NECTIN2: variants seen among roughly 807,000 people sequenced by gnomAD.
NECTIN2 encodes nectin-2.
A neutral mutation model predicts 56.9 loss-of-function variants in NECTIN2; 23 were observed. The ratio of observed to expected loss-of-function variants is 0.40; its 90% CI spans 0.29 to 0.57. NECTIN2 has a LOEUF of 0.57. Among genes scored for constraint, NECTIN2 ranks in the 20% least tolerant of loss-of-function variants. The pLI is 0.38. For missense variants in NECTIN2, 587 were observed against 718.3 expected (o/e 0.82, Z 2.09); for synonymous variants, 302 against 313.8 (o/e 0.96, Z 0.40).
rs1384749910 is a variant in NECTIN2 at position 44,874,764 on chromosome 19, C to T, written c.1042+286C>T. 1.4e-5 allele frequency: 5 copies of T among 357,546 alleles called. No homozygotes were observed. The highest frequency in any genetic ancestry group is 3.7e-5 in the South Asian group (1 of 27,200). The allele number at this position is 357,546 out of a possible 1,614,324, so 22.1% of individuals were successfully genotyped here. On this transcript the variant is annotated intron_variant, in intron 5 of 8. Coordinates refer to ENST00000252483, the MANE Select transcript of NECTIN2 (RefSeq NM_001042724.2). The surrounding 1 kb of genome is among the most constrained non-coding windows in gnomAD (Gnocchi z 6.3). ...TGGGTAGGGTCCTCACGAATAGACC[C>T]GAGGAAGCTGCCCTGGGCTCCAGCT...
chr19:44,871,947 T>G lies in NECTIN2; in HGVS notation c.573T>G (p.Pro191=). Residue 191 remains proline, a synonymous_variant, in exon 3 of 9, where the codon CCT becomes CCG. Coordinates refer to ENST00000252483, the MANE Select transcript of NECTIN2 (RefSeq NM_001042724.2). ...GCATCTCCAAAGAGGGCCGCCCACC[T>G]GCCCGGATCTCCTGGCTCTCATCCC... is the stretch of plus-strand genomic sequence containing the variant. ...ALCISKEGRP[P]ARISWLSSLD... 6.2e-7 allele frequency: 1 copy of G among 1,614,148 alleles called. No individual in the cohort carries two copies.
At chr19:44,872,814 T>G (rs1314657012) in intron 3 of NECTIN2, among the ~76,000 whole-genome samples, 1 of 143,480 alleles carries the variant, frequency 7.0e-6, no homozygotes, top group Admixed American at 6.9e-5. Context: ...TTTATTATTA[T>G]ATTTTTATAT....
At chr19:44,853,010 G>A (rs1237638807) in intron 1 of NECTIN2, among the ~76,000 whole-genome samples, 3 of 151,954 alleles carry the variant, frequency 2.0e-5, no homozygotes, top group Non-Finnish European at 4.4e-5. Context: ...TACTGAGAAG[G>A]CTGAGGTGGT....
intron 2 of NECTIN2, among the ~76,000 whole-genome samples, chr19:44,868,473 T>C (rs935772308): frequency 6.1e-5 from 9 of 148,084 alleles, no homozygotes; most frequent in Admixed American, 5.3e-4. Context: ...TTTCTTTTTT[T>C]TTTTTTTTCT....
rs538405235 is a variant in NECTIN2 at position 44,855,680 on chromosome 19, T to A, written c.88+9067T>A. ...ATTTGTACCCCCTGCAATCTGGATG[T>A]CAACCCTGGAAAACAAGCACCTGAT... is the stretch of plus-strand genomic sequence containing the variant. On this transcript the variant is annotated intron_variant, in intron 1 of 8. Coordinates refer to ENST00000252483, the MANE Select transcript of NECTIN2 (RefSeq NM_001042724.2). Among the ~76,000 whole-genome samples the A allele has an allele frequency of 3.9e-3, 598 of 152,300 alleles. 6 individuals are homozygous for A. Among genetic ancestry groups the A allele is most frequent in the Non-Finnish European group, 6.1e-3 (414 of 68,026 alleles).
chr19:44,871,857 G>C lies in NECTIN2; in HGVS notation c.483G>C (p.Lys161Asn), dbSNP rs1238936866. Residue 161 changes from lysine to asparagine, a missense_variant, in exon 3 of 9, where the codon AAG becomes AAC. Transcript: ENST00000252483. The stretch of plus-strand genomic sequence containing the variant: ...CCCCTCTCCTCCTCTCCCCAGCCAA[G>C]CCCAAGAACCAAGCTGAGGCCCAGA... ...RGMTWLRVIA[K>N]PKNQAEAQKV... is the part of the protein sequence containing the mutation. The C allele has an allele frequency of 6.2e-7, 1 of 1,611,400 alleles. No homozygotes were observed. Among genetic ancestry groups the C allele is most frequent in the Non-Finnish European group, 8.5e-7 (1 of 1,177,704 alleles).
At chr19:44,878,107 C>G in intron 5 of NECTIN2, 1 of 597,924 alleles carries the variant, frequency 1.7e-6, no homozygotes, top group Non-Finnish European at 3.0e-6. Flanking sequence ...GTCACTCCCG[C>G]TCCCTCCATC....
At chr19:44,887,966 A>G (rs142198141) in intron 8 of NECTIN2, 144 bp from the exon 9 acceptor site, 3 of 830,808 alleles carry the variant, frequency 3.6e-6, no homozygotes, top group African/African-American at 1.7e-5. Context: ...TCCCAGTGCA[A>G]TATGGCCTCA....
At chr19:44,882,154 A>G in intron 5 of NECTIN2, 57 bp from the exon 6 acceptor site, 1 of 1,355,920 alleles carries the variant, frequency 7.4e-7, no homozygotes, top group Non-Finnish European at 9.6e-7. Flanking sequence ...GGTCGCTTGG[A>G]ATAAGGAGCT....
rs567042231 is a variant in NECTIN2, at chr19:44,860,615, T to TTA, written c.89-4644_89-4643dup. 8.9e-4 allele frequency among the ~76,000 whole-genome samples: 135 copies of TTA among 151,590 alleles called. 3 individuals are homozygous for TTA. The South Asian group carries it at 0.023, about 26-fold the overall frequency. On this transcript the variant is annotated intron_variant, in intron 1 of 8. Transcript: ENST00000252483. ...TTTATTTTACTTTTTTATAAAAAAA[T>TTA]TATATATATATATTGTTTTTTCTTT...
At chr19:44,846,675 T>C in intron 1 of NECTIN2, 62 bp downstream of exon 1, 1 of 1,486,386 alleles carries the variant, frequency 6.7e-7, no homozygotes, top group Non-Finnish European at 8.9e-7. Flanking sequence ...CCTTCCGAGC[T>C]GGGGAAGCCG....
At chr19:44,881,331 C>T (rs1160129495) in intron 5 of NECTIN2, among the ~76,000 whole-genome samples, 1 of 152,122 alleles carries the variant, frequency 6.6e-6, no homozygotes, top group Non-Finnish European at 1.5e-5. Context: ...CTCCTCTCAT[C>T]TTCCCACTCT....
chr19:44,877,470 G>A (rs1383749780), intron 5 of NECTIN2, among the ~76,000 whole-genome samples: 1 of 152,096 alleles, frequency 6.6e-6, no homozygotes, highest in East Asian at 1.9e-4. Flanking sequence ...AGCCCCTGCA[G>A]GGAGCACTAA....
chr19:44,882,686 T>A (rs1477914485), intron 6 of NECTIN2, among the ~76,000 whole-genome samples: 5 of 77,102 alleles, frequency 6.5e-5, no homozygotes, highest in Admixed American at 1.9e-4. Context: ...ACTACCCCCA[T>A]CTACAAAAAA....
intron 5 of NECTIN2, chr19:44,878,143 C>T: frequency 3.3e-6 from 2 of 614,802 alleles, no homozygotes; most frequent in Non-Finnish European, 2.9e-6. Flanking sequence ...TCTCCCCCAC[C>T]CCCTCACTCC....
chr19:44,887,867 G>A (rs918285617), intron 8 of NECTIN2, among the ~76,000 whole-genome samples: 3 of 152,124 alleles, frequency 2.0e-5, no homozygotes, highest in Admixed American at 6.6e-5. Context: ...GGAAAGATTT[G>A]CAGAGATCGA....
chr19:44,850,666 C>T (rs1439235299), intron 1 of NECTIN2, among the ~76,000 whole-genome samples: 2 of 151,994 alleles, frequency 1.3e-5, no homozygotes, highest in East Asian at 1.9e-4. Context: ...ACAAAACACA[C>T]GGATTAGAGG....
chr19:44,874,116 TG>T lies in NECTIN2; in HGVS notation c.893+88del. 1 of 1,275,482 alleles carries T rather than the reference TG, an allele frequency of 7.8e-7. No homozygotes were observed. Among genetic ancestry groups the T allele is most frequent in the Non-Finnish European group, 1.1e-6 (1 of 910,700 alleles). 79.0% of individuals were successfully genotyped at this position (1,275,482 alleles called of 1,614,324 possible). ...CTCCTGGATCTAAGGGAGGAGGGGC[TG>T]GGGGCCTGGACTCCTGGATCTGAGG... On this transcript the variant is annotated intron_variant, in intron 4 of 8. Transcript: ENST00000252483. The surrounding 1 kb of genome is among the most constrained non-coding windows in gnomAD (Gnocchi z 6.3).
In NECTIN2 at chr19:44,874,887, C is replaced by T. The variant is rs34278513; in HGVS notation, c.1042+409C>T. Reference sequence around the variant, plus strand: ...AGAAACACAATCCGGCCCCAAGGCACGGAGCCAAAGAGGAAAAGCACAAAG... The same window carrying T: ...AGAAACACAATCCGGCCCCAAGGCATGGAGCCAAAGAGGAAAAGCACAAAG... On this transcript the variant is annotated intron_variant, in intron 5 of 8. Coordinates refer to ENST00000252483, the MANE Select transcript of NECTIN2 (RefSeq NM_001042724.2). The surrounding 1 kb of genome is among the most constrained non-coding windows in gnomAD (Gnocchi z 6.3). 0.083 allele frequency among the ~76,000 whole-genome samples: 12,569 copies of T among 152,148 alleles called. 705 individuals carry two copies. The highest frequency in any genetic ancestry group is 0.19 in the South Asian group (909 of 4,798).
Sources: gnomAD v4.1 joint callset for allele counts (sites outside exome capture counted in the v4.1 genomes callset) on GRCh38, gnomAD v4.1.1 for gene constraint, Gnocchi (gnomAD v3.1) non-coding constraint, MANE v1.5 for transcripts, NCBI Gene and HGNC (gene_info 2026-07-23, HGNC 2026-07-21) for gene names.